Variants in KIRREL3 observed in about 807,000 individuals in gnomAD.
KIRREL3 encodes the protein kirre like nephrin family adhesion molecule 3.
KIRREL3 carries 36 observed loss-of-function variants against 89.7 expected under a neutral mutation model. The ratio of observed to expected loss-of-function variants is 0.40; its 90% confidence interval spans 0.31 to 0.53. The LOEUF (loss-of-function observed/expected upper bound fraction) is 0.53. Among genes scored for constraint, KIRREL3 ranks in the 20% least tolerant of loss-of-function variants. The probability of loss-of-function intolerance (pLI) is 0.49; values close to 1 mark genes in which losing one functional copy is unlikely to be tolerated. For missense variants in KIRREL3, 864 were observed against 1,056.6 expected (o/e 0.82, Z 2.53); for synonymous variants, 445 against 441.4 (o/e 1.01, Z -0.10).
At position 126,997,651 on chromosome 11, in the gene KIRREL3, CAAATT is replaced by C. The variant is rs1454323690; in HGVS notation, c.55+2799_55+2803del. On this transcript the variant is annotated intron_variant, in intron 1 of 16. Transcript: ENST00000525144. The surrounding 1 kb of genome is among the most constrained non-coding windows in gnomAD (Gnocchi z 4.3). ...AAAGTAAAGGTAAACAAACATTTGA[CAAATT>C]AGGAAGAAAAGGATGGCTGGAACGG... Among the ~76,000 whole-genome samples the C allele has an allele frequency of 6.6e-6, 1 of 152,110 alleles. No individual in the cohort carries two copies. The highest frequency in any genetic ancestry group is 1.5e-5 in the Non-Finnish European group (1 of 68,024).
At chr11:126,998,180 T>C (rs73018718) in intron 1 of KIRREL3, among the ~76,000 whole-genome samples, 11,419 of 152,176 alleles carry the variant, frequency 0.075, 970 homozygotes, top group East Asian at 0.42. Flanking sequence ...GTGAGGATGG[T>C]CAAATAGAAT....
chr11:126,621,590 C>A (rs1448193369), intron 1 of KIRREL3, among the ~76,000 whole-genome samples: 1 of 152,118 alleles, frequency 6.6e-6, no homozygotes, highest in East Asian at 1.9e-4. Flanking sequence ...TAGATACACT[C>A]TTTATAAGAA....
rs763693950 is a variant in KIRREL3 at position 126,955,497 on chromosome 11, A to G, written c.55+44958T>C. 2.6e-5 allele frequency among the ~76,000 whole-genome samples: 4 copies of G among 152,176 alleles called. No individual in the cohort carries two copies. The highest frequency in any genetic ancestry group is 5.9e-5 in the Non-Finnish European group (4 of 68,026). ...CCCTCCCTTCCCTGCATGGCAAGGC[A>G]CGAAGGTGGTCTGATGTGGATTCCA... On this transcript the variant is annotated intron_variant, in intron 1 of 16. Coordinates refer to ENST00000525144, the MANE Select transcript of KIRREL3 (RefSeq NM_032531.4). The surrounding 1 kb of genome is among the most constrained non-coding windows in gnomAD (Gnocchi z 4.6).
In KIRREL3 at chr11:126,850,692, G is replaced by A. The variant is rs539403466; in HGVS notation, c.55+149763C>T. On this transcript the variant is annotated intron_variant, in intron 1 of 16. Transcript: ENST00000525144. ...TTTACCAGGAACTTCAAAAGGCAGC[G>A]TTCCAGCCACTGCTTATCCCCAAAA... Among the ~76,000 whole-genome samples the A allele has an allele frequency of 1.3e-4, 20 of 152,296 alleles. No homozygotes were observed. The East Asian group carries it at 1.7e-3, about 13-fold the overall frequency.
intron 1 of KIRREL3, among the ~76,000 whole-genome samples, chr11:126,916,967 G>A (rs1443516171): frequency 6.6e-6 from 1 of 152,162 alleles, no homozygotes; most frequent in East Asian, 1.9e-4. Context: ...GGGACAGTTG[G>A]TCACCCTATA....
rs7123354 is a variant in KIRREL3, at chr11:126,704,256, A to G, written c.56-141344T>C. Among the ~76,000 whole-genome samples, 9,309 of 152,230 alleles carry G rather than the reference A, an allele frequency of 0.061. 753 individuals are homozygous for G. Among genetic ancestry groups the G allele is most frequent in the African/African-American group, 0.19 (7,938 of 41,482 alleles). On this transcript the variant is annotated intron_variant, in intron 1 of 16. Coordinates refer to ENST00000525144, the MANE Select transcript of KIRREL3 (RefSeq NM_032531.4). This position sits in a 1 kb window ranked among gnomAD's most constrained non-coding sequence, Gnocchi z 4.2. ...GCATCATATCTGTTCATGTGCATGC[A>G]TGTGCACAGCTGTTCCCCTTAACTG...
At position 126,563,392 on chromosome 11, in the gene KIRREL3, G is replaced by C. The variant is rs1356746851; in HGVS notation, c.56-480C>G. On this transcript the variant is annotated intron_variant, in intron 1 of 16. Transcript: ENST00000525144. This position sits in a 1 kb window ranked among gnomAD's most constrained non-coding sequence, Gnocchi z 6.8. ...GGATGGAACAGTGCAACCAGACATG[G>C]TGGGTGACTCAGGAGGATGAAGTGA... Among the ~76,000 whole-genome samples the C allele has an allele frequency of 6.6e-6, 1 of 152,228 alleles. No individual in the cohort carries two copies.
chr11:126,482,035 T>A (rs1198539168), intron 4 of KIRREL3, among the ~76,000 whole-genome samples: 2 of 152,214 alleles, frequency 1.3e-5, no homozygotes, highest in East Asian at 1.9e-4. Context: ...CCTTTCCATT[T>A]TTTATTTATT....
At position 126,763,973 on chromosome 11, in the gene KIRREL3, T is replaced by C. The variant is rs1036893047; in HGVS notation, c.56-201061A>G. On this transcript the variant is annotated intron_variant, in intron 1 of 16. Coordinates refer to ENST00000525144, the MANE Select transcript of KIRREL3 (RefSeq NM_032531.4). The surrounding 1 kb of genome is among the most constrained non-coding windows in gnomAD (Gnocchi z 4.7). ...TCTTTTTTCCCCCACAACTCTGCATTCCCCTCCCCATCCACAGCATAGTTC... is the reference window on the plus strand; with the variant it reads ...TCTTTTTTCCCCCACAACTCTGCATCCCCCTCCCCATCCACAGCATAGTTC... 1.3e-5 allele frequency among the ~76,000 whole-genome samples: 2 copies of C among 152,066 alleles called. No individual in the cohort carries two copies. The highest frequency in any genetic ancestry group is 1.5e-5 in the Non-Finnish European group (1 of 68,014).
chr11:126,480,763 C>G (rs1245080703), intron 4 of KIRREL3, among the ~76,000 whole-genome samples: 1 of 152,230 alleles, frequency 6.6e-6, no homozygotes, highest in Non-Finnish European at 1.5e-5. Flanking sequence ...GAGCCTGGCT[C>G]GCAGTTGGTG....
chr11:126,598,767 T>C (rs1202119278), intron 1 of KIRREL3, among the ~76,000 whole-genome samples: 1 of 152,208 alleles, frequency 6.6e-6, no homozygotes, highest in East Asian at 1.9e-4. Flanking sequence ...CTGAGGGACT[T>C]TGGGCAAGTC....
rs1950377687 is a variant in KIRREL3, at chr11:126,783,091, A to T, written c.55+217364T>A. Among the ~76,000 whole-genome samples the T allele has an allele frequency of 6.6e-6, 1 of 152,238 alleles. No homozygotes were observed. The highest frequency in any genetic ancestry group is 1.5e-5 in the Non-Finnish European group (1 of 68,040). On this transcript the variant is annotated intron_variant, in intron 1 of 16. Transcript: ENST00000525144. The surrounding 1 kb of genome is among the most constrained non-coding windows in gnomAD (Gnocchi z 4.3). Reference sequence around the variant, plus strand: ...AACTGGGTGGCTAAGAGCAACAGAAATTTATTCTCTCACAGTTCCGGAGAA... The same window carrying T: ...AACTGGGTGGCTAAGAGCAACAGAATTTTATTCTCTCACAGTTCCGGAGAA...
Position 126,766,725 on chromosome 11 carries a change from G to A in KIRREL3, c.56-203813C>T, listed in dbSNP as rs997769688. Among the ~76,000 whole-genome samples, 1 of 152,158 alleles carries A rather than the reference G, an allele frequency of 6.6e-6. No individual in the cohort carries two copies. Among genetic ancestry groups the A allele is most frequent in the East Asian group, 1.9e-4 (1 of 5,194 alleles). ...AGAATTGACTTTTCTGCCTTGGCCT[G>A]GGGGAGGCGGGTGTTGTAAAACTTA... On this transcript the variant is annotated intron_variant, in intron 1 of 16. Coordinates refer to ENST00000525144, the MANE Select transcript of KIRREL3 (RefSeq NM_032531.4). This position sits in a 1 kb window ranked among gnomAD's most constrained non-coding sequence, Gnocchi z 4.2.
intron 1 of KIRREL3, among the ~76,000 whole-genome samples, chr11:126,604,245 A>T (rs1018033564): frequency 2.0e-5 from 3 of 152,162 alleles, no homozygotes; most frequent in Non-Finnish European, 4.4e-5. Flanking sequence ...GAGGACGCAG[A>T]GCTGACAGGG....
intron 1 of KIRREL3, among the ~76,000 whole-genome samples, chr11:126,629,820 T>A (rs1340160005): frequency 6.6e-6 from 1 of 152,230 alleles, no homozygotes; most frequent in Non-Finnish European, 1.5e-5. Context: ...AAAGATGCTC[T>A]CCTTCCTGGT....
At chr11:126,478,641 GTGTGTATGTATGTGTA>G (rs913461254) in intron 4 of KIRREL3, among the ~76,000 whole-genome samples, 1 of 147,904 alleles carries the variant, frequency 6.8e-6, no homozygotes, top group African/African-American at 2.7e-5. Context: ...GCGTGTGTAT[GTGTGTATGTATGTGTA>G]TATGTATATA....
In KIRREL3 at chr11:126,508,981, C is replaced by A. The variant is rs1455406535; in HGVS notation, c.433+12334G>T. On this transcript the variant is annotated intron_variant, in intron 4 of 16. Transcript: ENST00000525144. The surrounding 1 kb of genome is among the most constrained non-coding windows in gnomAD (Gnocchi z 4.9). ...AGAAGGTGTGGCTGAACTTAGATCTCCTCATCCCTGCCTAGTGGGGCACAT... is the reference window on the plus strand; with the variant it reads ...AGAAGGTGTGGCTGAACTTAGATCTACTCATCCCTGCCTAGTGGGGCACAT... Among the ~76,000 whole-genome samples the A allele has an allele frequency of 6.6e-6, 1 of 152,204 alleles. No homozygotes were observed. Among genetic ancestry groups the A allele is most frequent in the African/African-American group, 2.4e-5 (1 of 41,436 alleles).
rs2134750221 is a variant in KIRREL3, at chr11:126,601,858, G to T, written c.56-38946C>A. Among the ~76,000 whole-genome samples, 1 of 152,300 alleles carries T rather than the reference G, an allele frequency of 6.6e-6. No individual in the cohort carries two copies. The highest frequency in any genetic ancestry group is 2.1e-4 in the South Asian group (1 of 4,824). On this transcript the variant is annotated intron_variant, in intron 1 of 16. Coordinates refer to ENST00000525144, the MANE Select transcript of KIRREL3 (RefSeq NM_032531.4). This position sits in a 1 kb window ranked among gnomAD's most constrained non-coding sequence, Gnocchi z 5.8. ...TTTTAAGGACTGGACTAAAGGTGGAGGTCTTGGCCTGAGAACCGTGCATAC... is the reference window on the plus strand; with the variant it reads ...TTTTAAGGACTGGACTAAAGGTGGATGTCTTGGCCTGAGAACCGTGCATAC...
At chr11:126,968,363 A>G (rs1173701696) in intron 1 of KIRREL3, among the ~76,000 whole-genome samples, 1 of 152,178 alleles carries the variant, frequency 6.6e-6, no homozygotes, top group African/African-American at 2.4e-5. Context: ...GAAAGGGGGA[A>G]GAAAAGAAGA....
Sources: allele counts gnomAD v4.1 joint callset (sites outside exome capture counted in the v4.1 genomes callset), GRCh38; gene constraint gnomAD v4.1.1; non-coding constraint Gnocchi (gnomAD v3.1); transcripts MANE v1.5; gene names NCBI Gene and HGNC (gene_info 2026-07-23, HGNC 2026-07-21).